Variants in GLS2 observed in about 807,000 individuals in gnomAD.
The protein encoded by GLS2 is glutaminase liver isoform, mitochondrial.
GLS2 carries 52 observed loss-of-function variants against 79.0 expected under a neutral mutation model. That is an observed-to-expected ratio of 0.66 (90% CI 0.53 to 0.83). The LOEUF is 0.83. GLS2 is among the 40% of genes least tolerant of loss of function. The pLI, the probability that GLS2 is intolerant of heterozygous loss-of-function variation, is 0.00. For missense variants in GLS2, 561 were observed against 764.8 expected, an observed-to-expected ratio of 0.73 and a Z score of 3.14; for synonymous variants, 238 against 280.8, an observed-to-expected ratio of 0.85 and a Z score of 1.52.
rs1464923664 is a variant in GLS2, at chr12:56,474,858, A to T, written c.1035T>A (p.Asp345Glu). The change falls in exon 11 of 18, where the codon GAT becomes GAA. Residue 345 changes from aspartate to glutamate, a missense_variant. By Grantham distance (45) the Asp-to-Glu change is conservative. Coordinates refer to ENST00000311966, the MANE Select transcript of GLS2 (RefSeq NM_013267.4). The part of the protein sequence containing the change: ...PKGVDMMAAL[D>E]LYFQLCSVEV... Reference sequence around the variant, plus strand: ...AGTGTTTTCTTACCTGGAAGTAGAGATCAAGGGCAGCCATCATGTCCACCC... The same window carrying T: ...AGTGTTTTCTTACCTGGAAGTAGAGTTCAAGGGCAGCCATCATGTCCACCC... The T allele has an allele frequency of 6.2e-7, 1 of 1,614,136 alleles. No individual in the cohort carries two copies. The highest frequency in any genetic ancestry group is 1.7e-5 in the Admixed American group (1 of 60,018).
chr12:56,480,692 T>C (rs567048536), intron 1 of GLS2, among the ~76,000 whole-genome samples: 1 of 152,136 alleles, frequency 6.6e-6, no homozygotes, highest in East Asian at 1.9e-4. Flanking sequence ...TCCTTCCCTC[T>C]TCTTCTCCTC....
intron 2 of GLS2, 79 bp from the exon 3 acceptor site, chr12:56,479,980 C>T (rs1870156193): frequency 6.5e-7 from 1 of 1,542,476 alleles, no homozygotes; most frequent in Admixed American, 1.9e-5. Flanking sequence ...CACTGGATAC[C>T]CAATTAGCTG....
intron 16 of GLS2, 61 bp from the exon 17 acceptor site, chr12:56,471,897 A>C: frequency 6.5e-7 from 1 of 1,540,152 alleles, no homozygotes; most frequent in Admixed American, 1.7e-5. Flanking sequence ...TGGTGCAGAC[A>C]CTTAGCCACT....
intron 7 of GLS2, chr12:56,477,439 A>C: frequency 2.3e-6 from 1 of 441,210 alleles, no homozygotes; most frequent in Non-Finnish European, 4.1e-6. Context: ...GGGTGGGGGC[A>C]GGGAACAGTA....
rs1208599218 is a variant in GLS2, at chr12:56,472,735, T to C, written c.1466A>G (p.Asn489Ser). Residue 489 changes from asparagine (N) to serine (S), a missense_variant, in exon 15 of 18, where the codon AAC (asparagine) becomes AGC (serine). This residue lies in a region of GLS2 where 136 missense variants were observed against 228.6 expected (regional missense o/e 0.59). Coordinates refer to ENST00000311966, the MANE Select transcript of GLS2 (RefSeq NM_013267.4). ...GCCACTATAGGCAGCAAATAACAGGTTGACCACAGTCTTGTTCTGGAACAC... is the reference window on the plus strand; with the variant it reads ...GCCACTATAGGCAGCAAATAACAGGCTGACCACAGTCTTGTTCTGGAACAC... ...GAEIRNKTVVNLLFAAYSGDV... is the reference protein window; with the variant it reads ...GAEIRNKTVVSLLFAAYSGDV... The C allele has an allele frequency of 1.5e-5, 25 of 1,613,810 alleles. No individual in the cohort carries two copies. The highest frequency in any genetic ancestry group is 1.9e-5 in the Non-Finnish European group (22 of 1,179,930).
intron 1 of GLS2, among the ~76,000 whole-genome samples, chr12:56,485,727 A>T (rs1870627995): frequency 6.6e-6 from 1 of 152,010 alleles, no homozygotes; most frequent in African/African-American, 2.4e-5. Flanking sequence ...TTTCCTCTTG[A>T]TACTCTTGTG....
At chr12:56,486,217 C>G (rs988587775) in intron 1 of GLS2, among the ~76,000 whole-genome samples, 2 of 151,942 alleles carry the variant, frequency 1.3e-5, no homozygotes, top group African/African-American at 2.4e-5. Context: ...AGCACCAGTC[C>G]GAGGATATGA....
intron 1 of GLS2, 91 bp downstream of exon 1, chr12:56,487,846 G>A: frequency 7.2e-7 from 1 of 1,386,252 alleles, no homozygotes; most frequent in Non-Finnish European, 9.6e-7. Context: ...GGAGATGAGC[G>A]GCGCTGCCTT....
intron 8 of GLS2, 112 bp downstream of exon 8, chr12:56,475,833 C>CT: frequency 7.1e-7 from 1 of 1,408,488 alleles, no homozygotes; most frequent in Non-Finnish European, 1.0e-6. Flanking sequence ...AATAAGGCTT[C>CT]TAGTATGGGC....
At chr12:56,476,151 C>T (rs566658568) in intron 7 of GLS2, 174 bp from the exon 8 acceptor site, 2 of 580,992 alleles carry the variant, frequency 3.4e-6, no homozygotes, top group Non-Finnish European at 6.0e-6. Context: ...CCATTGGCTC[C>T]TCTCTTTCTC....
chr12:56,472,887 T>A, intron 14 of GLS2, 136 bp from the exon 15 acceptor site: 3 of 287,536 alleles, frequency 1.0e-5, no homozygotes, highest in Non-Finnish European at 1.2e-5. Flanking sequence ...GAAATATTCT[T>A]TTTTTTTTTT....
chr12:56,479,040 C>T lies in GLS2; in HGVS notation c.534+12G>A. ...AGGTCCCTGACCCCTCCCTTAGTCCCCTGACTCTCACTTTGCCTCCAGTGA... is the reference window on the plus strand; with the variant it reads ...AGGTCCCTGACCCCTCCCTTAGTCCTCTGACTCTCACTTTGCCTCCAGTGA... On this transcript the variant is annotated intron_variant, in intron 4 of 17. Coordinates refer to ENST00000311966, the MANE Select transcript of GLS2 (RefSeq NM_013267.4). 3 of 1,613,170 alleles carry T rather than the reference C, an allele frequency of 1.9e-6. No individual in the cohort carries two copies. The highest frequency in any genetic ancestry group is 2.5e-6 in the Non-Finnish European group (3 of 1,179,668).
intron 14 of GLS2, chr12:56,473,014 C>T: frequency 1.7e-6 from 1 of 600,600 alleles, no homozygotes; most frequent in Non-Finnish European, 2.9e-6. Context: ...CTCAGCCTCC[C>T]AAGTAGCTGG....
chr12:56,481,967 A>G (rs990424038), intron 1 of GLS2, among the ~76,000 whole-genome samples: 15 of 151,946 alleles, frequency 9.9e-5, no homozygotes, highest in African/African-American at 3.6e-4. Context: ...ATGGTGGTTC[A>G]CACCTGTAAT....
In GLS2 at chr12:56,479,845, G is replaced by A. The variant is rs761932904; in HGVS notation, c.339C>T (p.Ser113=). Residue 113 remains serine, a synonymous_variant, in exon 3 of 18, where the codon AGC becomes AGT. Coordinates refer to ENST00000311966, the MANE Select transcript of GLS2 (RefSeq NM_013267.4). ...TSDPRLRDCM[S]EMHRVVQESS... is the part of the protein sequence containing the mutation. ...ACTCTTGGACCACGCGGTGCATCTC[G>A]CTCATGCAGTCTCGGAGCCGAGGAT... 7 of 1,612,462 alleles carry A rather than the reference G, an allele frequency of 4.3e-6. No homozygotes were observed. Among genetic ancestry groups the A allele is most frequent in the East Asian group, 4.5e-5 (2 of 44,870 alleles).
Position 56,473,144 on chromosome 12 carries a change from C to T in GLS2, c.1449+84G>A, listed in dbSNP as rs1869463385. The T allele has an allele frequency of 5.5e-6, 7 of 1,281,722 alleles. No individual in the cohort carries two copies. In the East Asian group the frequency reaches 1.2e-4, roughly 21 times the overall value. The allele number at this position is 1,281,722 out of a possible 1,614,324, so 79.4% of individuals were successfully genotyped here. On this transcript the variant is annotated intron_variant, in intron 14 of 17. Transcript: ENST00000311966. ...GACCTTGTGATCCGCCCGCCTTGGC[C>T]TCTCAAAGTGCAGGGATTACAGGCG...
intron 11 of GLS2, 55 bp from the exon 12 acceptor site, chr12:56,474,775 C>T (rs188729267): frequency 2.0e-5 from 33 of 1,612,300 alleles, no homozygotes; most frequent in South Asian, 7.7e-5. Flanking sequence ...ATGGGACCCT[C>T]GGGTGTAGGG....
chr12:56,480,984 T>TA (rs1289577111), intron 1 of GLS2, among the ~76,000 whole-genome samples: 2 of 152,230 alleles, frequency 1.3e-5, no homozygotes, highest in Non-Finnish European at 2.9e-5. Context: ...TAGTAATGTC[T>TA]ACTTCACCTG....
At position 56,475,621 on chromosome 12, in the gene GLS2, T is replaced by TA; in HGVS notation, c.929+2dup. ...TCAGTCAGTCCTCTGAGTAGGGACT[T>TA]ACGTGGCATTGCTGAAACCCATGTA... On this transcript the variant is annotated splice_region_variant and intron_variant, in intron 9 of 17. Coordinates refer to ENST00000311966, the MANE Select transcript of GLS2 (RefSeq NM_013267.4). 1.2e-6 allele frequency: 2 copies of TA among 1,614,056 alleles called. No individual in the cohort carries two copies. The highest frequency in any genetic ancestry group is 1.7e-6 in the Non-Finnish European group (2 of 1,179,940).
Sources: allele counts gnomAD v4.1 joint callset (sites outside exome capture counted in the v4.1 genomes callset), GRCh38; gene constraint gnomAD v4.1.1; regional missense constraint gnomAD v4.1.1; transcripts MANE v1.5; gene names NCBI Gene and HGNC (gene_info 2026-07-23, HGNC 2026-07-21).